Variants in GALK2 observed in about 807,000 individuals in gnomAD.
GALK2 encodes the protein N-acetylgalactosamine kinase.
GALK2 carries 36 observed loss-of-function variants against 52.4 expected under a neutral mutation model. The ratio of observed to expected loss-of-function variants is 0.69; its 90% CI spans 0.53 to 0.91. The LOEUF (loss-of-function observed/expected upper bound fraction) is 0.91, where lower values mean the gene tolerates loss of function less well. Among genes scored for constraint, GALK2 ranks in the 40% least tolerant of loss-of-function variants. The pLI is 0.00. For missense variants in GALK2, 579 were observed against 559.1 expected (o/e 1.04, Z -0.36); for synonymous variants, 176 against 199.1 (o/e 0.88, Z 0.98).
At chr15:49,192,944 C>G (rs1248796091) in intron 1 of GALK2, among the ~76,000 whole-genome samples, 1 of 151,644 alleles carries the variant, frequency 6.6e-6, no homozygotes, top group Non-Finnish European at 1.5e-5. Context: ...GCCACTGTGC[C>G]TGGCCTAGGG....
chr15:49,283,861 C>A, intron 7 of GALK2, 143 bp downstream of exon 7: 1 of 814,076 alleles, frequency 1.2e-6, no homozygotes, highest in Non-Finnish European at 1.9e-6. Flanking sequence ...TCTTTGGGTA[C>A]AGAGAAATCT....
chr15:49,186,663 C>G (rs376487304), intron 1 of GALK2, among the ~76,000 whole-genome samples: 1 of 151,668 alleles, frequency 6.6e-6, no homozygotes, highest in Non-Finnish European at 1.5e-5. Context: ...CCTCAACCTC[C>G]GAGTAGCTGG....
intron 1 of GALK2, among the ~76,000 whole-genome samples, chr15:49,157,754 T>C (rs1485455863): frequency 2.0e-5 from 3 of 152,188 alleles, no homozygotes; most frequent in Non-Finnish European, 4.4e-5. Flanking sequence ...ACCTGAGAAA[T>C]TGCTGCTTTA....
downstream of GALK2, chr15:49,335,518 A>C: frequency 6.4e-7 from 1 of 1,564,752 alleles, no homozygotes; most frequent in Non-Finnish European, 8.8e-7. Flanking sequence ...ATTATTAAGG[A>C]ATGATTTTCA....
chr15:49,228,182 A>G (rs1257755615), intron 3 of GALK2, among the ~76,000 whole-genome samples: 3 of 152,144 alleles, frequency 2.0e-5, no homozygotes, highest in African/African-American at 4.8e-5. Flanking sequence ...CCACTTTGCT[A>G]TAATGTGCCA....
chr15:49,169,418 C>G (rs1227344154), upstream of GALK2, among the ~76,000 whole-genome samples: 4 of 152,062 alleles, frequency 2.6e-5, no homozygotes, highest in Non-Finnish European at 5.9e-5. Context: ...TGACCTCAGG[C>G]ACATCATTTC....
intron 5 of GALK2, among the ~76,000 whole-genome samples, chr15:49,271,862 A>G (rs1057356534): frequency 5.3e-5 from 8 of 152,230 alleles, no homozygotes; most frequent in Non-Finnish European, 4.4e-5. Flanking sequence ...GTGTTTGGAA[A>G]TGGATAATGG....
At chr15:49,214,496 A>ATTTTTT (rs35538212) in intron 2 of GALK2, among the ~76,000 whole-genome samples, 1 of 129,964 alleles carries the variant, frequency 7.7e-6, no homozygotes, top group African/African-American at 2.9e-5. Flanking sequence ...ACACCCGGCT[A>ATTTTTT]TTTTTTTTTT....
At chr15:49,315,655 T>C (rs1864299) in intron 8 of GALK2, among the ~76,000 whole-genome samples, 62,690 of 152,000 alleles carry the variant, frequency 0.41, 13,079 homozygotes, top group African/African-American at 0.43. Flanking sequence ...CTTTCCCTTG[T>C]TGTCTGAGTT....
chr15:49,244,961 C>T (rs1413493915), intron 5 of GALK2, among the ~76,000 whole-genome samples: 1 of 151,774 alleles, frequency 6.6e-6, no homozygotes, highest in Non-Finnish European at 1.5e-5. Context: ...GCTAGATATA[C>T]AAATCTAAGC....
intron 7 of GALK2, among the ~76,000 whole-genome samples, chr15:49,292,055 AAAAT>A (rs1428748347): frequency 6.6e-6 from 1 of 152,140 alleles, no homozygotes; most frequent in Non-Finnish European, 1.5e-5. Context: ...GGCCAAAAAA[AAAAT>A]CAGTGAGAGA....
upstream of GALK2, chr15:49,169,993 A>G (rs1172629645): frequency 7.0e-6 from 2 of 286,448 alleles, no homozygotes; most frequent in African/African-American, 2.1e-5. Context: ...TGACATCCAC[A>G]GGGCGCAAAA....
intron 5 of GALK2, among the ~76,000 whole-genome samples, chr15:49,257,958 TA>T (rs2091886334): frequency 6.7e-6 from 1 of 149,682 alleles, no homozygotes; most frequent in Non-Finnish European, 1.5e-5. Flanking sequence ...ATTATAATTA[TA>T]ATAAAATAAC....
At chr15:49,175,095 C>T (rs188588583) in intron 1 of GALK2, among the ~76,000 whole-genome samples, 163 of 152,264 alleles carry the variant, frequency 1.1e-3, no homozygotes, top group Non-Finnish European at 2.2e-3. Flanking sequence ...CAAGCACATG[C>T]GCAGTGGGTA....
At chr15:49,243,173 C>A (rs890036266) in intron 5 of GALK2, among the ~76,000 whole-genome samples, 12 of 152,064 alleles carry the variant, frequency 7.9e-5, no homozygotes, top group Non-Finnish European at 1.6e-4. Context: ...TATTTAGACC[C>A]TAAAAGGCCT....
chr15:49,159,588 AAAAAT>A (rs1555393692), intron 1 of GALK2, among the ~76,000 whole-genome samples: 5 of 147,614 alleles, frequency 3.4e-5, no homozygotes, highest in African/African-American at 1.0e-4. Flanking sequence ...AAAAAAAAAA[AAAAAT>A]AAAATAAAAT....
chr15:49,245,122 CTT>C (rs1272827521), intron 5 of GALK2, among the ~76,000 whole-genome samples: 11 of 151,854 alleles, frequency 7.2e-5, no homozygotes, highest in African/African-American at 2.4e-4. Flanking sequence ...TTGGGCATAA[CTT>C]TATTGAGAAA....
chr15:49,171,064 T>TTTTTTC (rs1339718385), intron 1 of GALK2, among the ~76,000 whole-genome samples: 22 of 149,916 alleles, frequency 1.5e-4, no homozygotes, highest in Non-Finnish European at 2.9e-4. Context: ...CCTTCCTTTC[T>TTTTTTC]TTTTTCTTTT....
At chr15:49,349,038 C>A (rs1367146662) in intron 3 of GALK2, among the ~76,000 whole-genome samples, 1 of 152,132 alleles carries the variant, frequency 6.6e-6, no homozygotes, top group Admixed American at 6.5e-5. Context: ...CTCCCTGGAA[C>A]CTGATTACCT....
Sources: gnomAD v4.1 joint callset for allele counts (sites outside exome capture counted in the v4.1 genomes callset) on GRCh38, gnomAD v4.1.1 for gene constraint, MANE v1.5 for transcripts, NCBI Gene and HGNC (gene_info 2026-07-23, HGNC 2026-07-21) for gene names.